TMEM132C: variants seen among roughly 807,000 people sequenced by gnomAD.
TMEM132C encodes the protein transmembrane protein 132C.
Under a neutral mutation model 61.4 loss-of-function variants are expected in TMEM132C, and 29 were observed. The ratio of observed to expected loss-of-function variants is 0.47; its 90% CI spans 0.35 to 0.64. TMEM132C has a LOEUF of 0.64. Ranked by LOEUF, TMEM132C falls within the 30% of genes least tolerant of loss-of-function variation. The pLI is 0.00. For synonymous variants in TMEM132C, 656 were observed against 633.1 expected, an observed-to-expected ratio of 1.04 and a Z score of -0.54; for missense variants, 1,408 against 1,476.9, an observed-to-expected ratio of 0.95 and a Z score of 0.76.
intron 4 of TMEM132C, among the ~76,000 whole-genome samples, chr12:128,660,229 T>C (rs911082933): frequency 2.4e-4 from 37 of 152,316 alleles, no homozygotes; most frequent in African/African-American, 7.7e-4. Context: ...ACTGTCCAGC[T>C]GTGTGGCCCT....
chr12:128,658,795 G>C (rs542130928), intron 4 of TMEM132C, among the ~76,000 whole-genome samples: 2 of 152,200 alleles, frequency 1.3e-5, no homozygotes, highest in Admixed American at 1.3e-4. Context: ...ATTCCTCATA[G>C]GTCCAAACAT....
chr12:128,686,814 A>G lies in TMEM132C; in HGVS notation c.1450-7015A>G, dbSNP rs1302536565. On this transcript the variant is annotated intron_variant, in intron 5 of 8. Transcript: ENST00000435159. ...GGAGGACACATAAAGCGAGCAGGTA[A>G]AATCTACAGTGCATCAGGTGACAGT... Among the ~76,000 whole-genome samples the G allele has an allele frequency of 2.0e-5, 3 of 152,182 alleles. No homozygotes were observed. The South Asian group carries it at 6.2e-4, about 32-fold the overall frequency.
chr12:128,563,876 G>T (rs1476662247), intron 3 of TMEM132C, among the ~76,000 whole-genome samples: 3 of 152,154 alleles, frequency 2.0e-5, no homozygotes, highest in Non-Finnish European at 4.4e-5. Context: ...TATGCCTGAG[G>T]TTGCAATTTT....
At chr12:128,368,847 A>G (rs1368081637) in intron 1 of TMEM132C, among the ~76,000 whole-genome samples, 1 of 152,208 alleles carries the variant, frequency 6.6e-6, no homozygotes, top group Non-Finnish European at 1.5e-5. Flanking sequence ...TTGGTGCAGC[A>G]GCTTAGAGGA....
chr12:128,537,291 T>A (rs1217112764), intron 2 of TMEM132C, among the ~76,000 whole-genome samples: 1 of 152,164 alleles, frequency 6.6e-6, no homozygotes, highest in Non-Finnish European at 1.5e-5. Context: ...GGCAAGGCAG[T>A]ATCAGGCAGT....
intron 3 of TMEM132C, among the ~76,000 whole-genome samples, chr12:128,575,318 A>C (rs745965981): frequency 5.6e-4 from 86 of 152,288 alleles, no homozygotes; most frequent in Middle Eastern, 6.8e-3. Flanking sequence ...ATCTCTACTG[A>C]AAATACAAAA....
chr12:128,446,302 G>A (rs1375788297), intron 2 of TMEM132C, among the ~76,000 whole-genome samples: 2 of 152,216 alleles, frequency 1.3e-5, no homozygotes, highest in African/African-American at 2.4e-5. Context: ...AGTTCTAGAT[G>A]CTGGGCCATG....
intron 1 of TMEM132C, chr12:128,400,108 G>A (rs1297328274): frequency 2.6e-5 from 4 of 152,196 alleles, no homozygotes; most frequent in African/African-American, 9.7e-5. Flanking sequence ...GAAGCTTTTG[G>A]CTGATAGTGA....
At chr12:128,357,659 C>T (rs1446439716) in intron 1 of TMEM132C, among the ~76,000 whole-genome samples, 5 of 147,708 alleles carry the variant, frequency 3.4e-5, no homozygotes, top group Non-Finnish European at 5.9e-5. Context: ...CATGCCACTG[C>T]ACTCCAGCCT....
rs554246929 is a variant in TMEM132C at position 128,593,298 on chromosome 12, CCTCT to C, written c.1122-22846_1122-22843del. Among the ~76,000 whole-genome samples, 4 of 149,800 alleles carry C rather than the reference CCTCT, an allele frequency of 2.7e-5. No individual in the cohort carries two copies. In the Admixed American group the frequency reaches 2.7e-4, roughly 10 times the overall value. On this transcript the variant is annotated intron_variant, in intron 3 of 8. Coordinates refer to ENST00000435159, the MANE Select transcript of TMEM132C (RefSeq NM_001136103.3). ...TTCTTCTGTCTCCATTTTCCTTTTC[CCTCT>C]CTCTCTCCTCCCTCTTCCCTCTCTC...
chr12:128,624,757 C>T (rs563179322), intron 4 of TMEM132C, among the ~76,000 whole-genome samples: 1 of 152,252 alleles, frequency 6.6e-6, no homozygotes, highest in African/African-American at 2.4e-5. Flanking sequence ...GGTATTCAAA[C>T]AGTAGTTCAT....
intron 3 of TMEM132C, among the ~76,000 whole-genome samples, chr12:128,564,818 A>G (rs941086421): frequency 7.2e-5 from 11 of 152,152 alleles, no homozygotes; most frequent in Non-Finnish European, 1.6e-4. Context: ...TGATATTAGG[A>G]AAGCCAGGGA....
At chr12:128,662,743 C>CT (rs1046511950) in intron 4 of TMEM132C, among the ~76,000 whole-genome samples, 57 of 151,572 alleles carry the variant, frequency 3.8e-4, no homozygotes, top group African/African-American at 6.5e-4. Context: ...TGTGACTTGG[C>CT]TTTTTTTTTC....
At chr12:128,307,220 G>C (rs1337223842) in intron 1 of TMEM132C, among the ~76,000 whole-genome samples, 1 of 152,134 alleles carries the variant, frequency 6.6e-6, no homozygotes, top group African/African-American at 2.4e-5. Context: ...CTCCCTCTTA[G>C]ACTGGACATA....
At chr12:128,682,386 C>T (rs183821431) in intron 5 of TMEM132C, among the ~76,000 whole-genome samples, 2 of 152,352 alleles carry the variant, frequency 1.3e-5, no homozygotes, top group Admixed American at 1.3e-4. Flanking sequence ...ATGTCAGCCC[C>T]ACCCATGAAT....
At chr12:128,359,346 T>C (rs1300780869) in intron 1 of TMEM132C, among the ~76,000 whole-genome samples, 2 of 152,114 alleles carry the variant, frequency 1.3e-5, no homozygotes, top group Non-Finnish European at 2.9e-5. Context: ...AGGGGAACTC[T>C]CCTTTATAAA....
intron 5 of TMEM132C, among the ~76,000 whole-genome samples, chr12:128,676,269 A>T (rs906586572): frequency 6.6e-6 from 1 of 152,084 alleles, no homozygotes; most frequent in African/African-American, 2.4e-5. Context: ...TTAAATTTTT[A>T]AATAAAATAT....
intron 4 of TMEM132C, among the ~76,000 whole-genome samples, chr12:128,662,802 G>A (rs1482663962): frequency 6.6e-6 from 1 of 152,134 alleles, no homozygotes; most frequent in Non-Finnish European, 1.5e-5. Flanking sequence ...CATGGATTGA[G>A]AGAGGTTGTT....
rs950749897 is a variant in TMEM132C at position 128,282,545 on chromosome 12, C to A, written c.85+15058C>A. Among the ~76,000 whole-genome samples, 4 of 152,206 alleles carry A rather than the reference C, an allele frequency of 2.6e-5. No individual in the cohort carries two copies. The East Asian group carries it at 5.8e-4, about 22-fold the overall frequency. On this transcript the variant is annotated intron_variant, in intron 1 of 8. Coordinates refer to ENST00000435159, the MANE Select transcript of TMEM132C (RefSeq NM_001136103.3). ...AAGCATGGAGAAAGCCACTACCCCC[C>A]TCCTCATGATCCAGTCACCTCCCAC...
Sources: allele counts gnomAD v4.1 joint callset (sites outside exome capture counted in the v4.1 genomes callset), GRCh38; gene constraint gnomAD v4.1.1; transcripts MANE v1.5; gene names NCBI Gene and HGNC (gene_info 2026-07-23, HGNC 2026-07-21).